The following MGAM variants were observed in gnomAD, a reference collection of about 807,000 sequenced individuals.
The protein encoded by MGAM is alpha-1,4-glucosidase.
A neutral mutation model predicts 358.8 loss-of-function variants in MGAM; 253 were observed. That is an observed-to-expected ratio of 0.71 (90% CI 0.64 to 0.78). MGAM has a LOEUF of 0.78. Among genes scored for constraint, MGAM ranks in the 30% least tolerant of loss-of-function variants. MGAM has a pLI of 0.00. For missense variants in MGAM, 3,080 were observed against 3,432.6 expected (o/e 0.90, Z 2.57); for synonymous variants, 1,105 against 1,227.1 (o/e 0.90, Z 2.08).
chr7:142,057,136 G>A (rs143144746), intron 30 of MGAM, among the ~76,000 whole-genome samples, 194 bp downstream of exon 30: 1 of 152,274 alleles, frequency 6.6e-6, no homozygotes, highest in East Asian at 1.9e-4. Context: ...TTGCAGAATA[G>A]CAGAAGTTAT....
chr7:142,042,058 T>G (rs1452853297), intron 21 of MGAM, among the ~76,000 whole-genome samples: 1 of 74,094 alleles, frequency 1.3e-5, no homozygotes, highest in South Asian at 3.6e-4. Flanking sequence ...ATAATATATA[T>G]ACATATAATA....
At chr7:142,008,090 G>C (rs1356153596) in intron 2 of MGAM, among the ~76,000 whole-genome samples, 1 of 152,176 alleles carries the variant, frequency 6.6e-6, no homozygotes, top group Admixed American at 6.5e-5. Flanking sequence ...AAAAACAAAC[G>C]AGTTTGTAAT....
intron 1 of MGAM, among the ~76,000 whole-genome samples, chr7:142,002,108 G>C (rs1804780617): frequency 6.6e-6 from 1 of 152,026 alleles, no homozygotes; most frequent in Non-Finnish European, 1.5e-5. Context: ...CTTGGGGATA[G>C]AATAAAAAAA....
rs188211838 is a variant in MGAM at position 142,035,236 on chromosome 7, A to G, written c.1959+395A>G. ...TTGGCATTTTTTAGTTAAATCCAAC[A>G]TATTTATGAATTGAACTCCTAGAGT... On this transcript the variant is annotated intron_variant, in intron 16 of 70. Transcript: ENST00000475668. Among the ~76,000 whole-genome samples the G allele has an allele frequency of 3.7e-3, 568 of 152,276 alleles. 7 individuals are homozygous for G. The highest frequency in any genetic ancestry group is 0.014 in the Middle Eastern group (4 of 294).
At chr7:142,041,772 C>G (rs367762104) in intron 21 of MGAM, among the ~76,000 whole-genome samples, 1 of 146,256 alleles carries the variant, frequency 6.8e-6, no homozygotes, top group Non-Finnish European at 1.5e-5. Context: ...TCTTAATGAT[C>G]CAAATGAAAC....
In MGAM at chr7:142,052,760, T is replaced by G. The variant is rs760906763; in HGVS notation, c.2959-24T>G. On this transcript the variant is annotated intron_variant, in intron 25 of 70. Transcript: ENST00000475668. ...TTTAAGACCACATGCTGTGCTGATC[T>G]ATGACTTTGGCCTTACTTTTCAGGC... The G allele has an allele frequency of 5.6e-6, 9 of 1,612,830 alleles. No individual in the cohort carries two copies. In the East Asian group the frequency reaches 2.0e-4, roughly 36 times the overall value.
At chr7:142,051,854 T>C (rs1238183803) in intron 24 of MGAM, among the ~76,000 whole-genome samples, 2 of 152,034 alleles carry the variant, frequency 1.3e-5, no homozygotes, top group Admixed American at 6.6e-5. Flanking sequence ...TCTACAGAAA[T>C]GTGGGCATGA....
chr7:142,043,120 AAT>A (rs1464359836), intron 21 of MGAM, among the ~76,000 whole-genome samples: 7,190 of 20,132 alleles, frequency 0.36, 49 homozygotes, highest in East Asian at 0.39. Flanking sequence ...ATCTAAATAT[AAT>A]ATATATATTA....
intron 21 of MGAM, among the ~76,000 whole-genome samples, chr7:142,042,026 T>C (rs1294970242): frequency 9.1e-5 from 2 of 22,096 alleles, no homozygotes; most frequent in African/African-American, 3.3e-4. Flanking sequence ...TATATATATA[T>C]TATATTATAT....
chr7:142,010,907 A>G (rs1805543055), intron 3 of MGAM, among the ~76,000 whole-genome samples: 1 of 152,192 alleles, frequency 6.6e-6, no homozygotes, highest in East Asian at 1.9e-4. Flanking sequence ...CCCCAATTCC[A>G]GAACGCAGAG....
chr7:142,052,438 A>G lies in MGAM; in HGVS notation c.2950A>G (p.Ile984Val). 6.2e-7 allele frequency: 1 copy of G among 1,613,346 alleles called. No homozygotes were observed. The highest frequency in any genetic ancestry group is 8.5e-7 in the Non-Finnish European group (1 of 1,179,694). Reference sequence around the variant, plus strand: ...CGAAAACTGCACTGCCCGTGGCTGTATCTGGGAGGTAACCATGCTGATGGG... The same window carrying G: ...CGAAAACTGCACTGCCCGTGGCTGTGTCTGGGAGGTAACCATGCTGATGGG... ...SAENCTARGC[I>V]WEASNSSGVP... The change falls in exon 25 of 71, where the codon ATC becomes GTC. Residue 984 changes from isoleucine (I) to valine (V), a missense_variant. Around this residue, in one of 5 missense-constraint regions of MGAM, gnomAD observed 1,816 missense variants for 1,840.5 expected, o/e 0.99. Transcript: ENST00000475668.
At chr7:142,001,107 A>G (rs1352371053) in intron 1 of MGAM, among the ~76,000 whole-genome samples, 1 of 152,208 alleles carries the variant, frequency 6.6e-6, no homozygotes, top group Non-Finnish European at 1.5e-5. Context: ...TATGGAATTT[A>G]ACAAGCAAGT....
intron 16 of MGAM, 138 bp from the exon 17 acceptor site, chr7:142,036,031 A>G: frequency 8.0e-6 from 5 of 628,522 alleles, no homozygotes; most frequent in Non-Finnish European, 1.4e-5. Flanking sequence ...GACACAGGCT[A>G]TGACCAAATT....
chr7:142,017,145 T>A (rs547305098), intron 3 of MGAM, among the ~76,000 whole-genome samples: 1 of 152,286 alleles, frequency 6.6e-6, no homozygotes, highest in South Asian at 2.1e-4. Context: ...GTCTTTTTTC[T>A]TAATTTTTTG....
At chr7:142,094,091 A>G (rs2129060557) in intron 60 of MGAM, among the ~76,000 whole-genome samples, 1 of 146,314 alleles carries the variant, frequency 6.8e-6, no homozygotes, top group Non-Finnish European at 1.5e-5. Context: ...AGTTTTGGGG[A>G]AACCAATAGC....
chr7:142,077,314 G>A lies in MGAM; in HGVS notation c.5493+488G>A, dbSNP rs1317280366. ...ATATTGATCCTTGAATGAAGGCTGT[G>A]CTACTGTGTGTGAGCATTGTTGGGA... On this transcript the variant is annotated intron_variant, in intron 47 of 70. Transcript: ENST00000475668. Among the ~76,000 whole-genome samples, 5 of 145,534 alleles carry A rather than the reference G, an allele frequency of 3.4e-5. 1 individual carries two copies. The highest frequency in any genetic ancestry group is 1.4e-4 in the Admixed American group (2 of 14,376).
At chr7:142,039,641 G>T (rs1251888968) in intron 19 of MGAM, among the ~76,000 whole-genome samples, 1 of 152,074 alleles carries the variant, frequency 6.6e-6, no homozygotes, top group African/African-American at 2.4e-5. Flanking sequence ...ATCCTGACTT[G>T]CTCCATGACG....
intron 64 of MGAM, 157 bp downstream of exon 64, chr7:142,095,870 A>G (rs769824965): frequency 9.6e-6 from 11 of 1,151,682 alleles, no homozygotes; most frequent in Non-Finnish European, 1.1e-5. Context: ...ACAGTGCTAT[A>G]CATGCCTTAG....
intron 52 of MGAM, 31 bp downstream of exon 52, chr7:142,082,602 G>T: frequency 7.1e-7 from 1 of 1,418,380 alleles, no homozygotes; most frequent in South Asian, 1.2e-5. Context: ...CCTTATTTTG[G>T]GGGGATACCA....
Sources: gnomAD v4.1 joint callset for allele counts (sites outside exome capture counted in the v4.1 genomes callset) on GRCh38, gnomAD v4.1.1 for gene constraint, gnomAD v4.1.1 regional missense constraint, MANE v1.5 for transcripts, NCBI Gene and HGNC (gene_info 2026-07-23, HGNC 2026-07-21) for gene names.